Variants in DGKB observed in about 807,000 individuals in gnomAD.
The protein encoded by DGKB is diacylglycerol kinase beta.
In DGKB, 67 loss-of-function variants were observed where a neutral mutation model predicts 114.3. That is an observed-to-expected ratio of 0.59 (90% CI 0.48 to 0.72). The LOEUF (loss-of-function observed/expected upper bound fraction) is 0.72. Among genes scored for constraint, DGKB ranks in the 30% least tolerant of loss-of-function variants. The pLI is 0.00. For synonymous variants in DGKB, 398 were observed against 323.1 expected, an observed-to-expected ratio of 1.23 and a Z score of -2.49; for missense variants, 907 against 975.2, an observed-to-expected ratio of 0.93 and a Z score of 0.93.
intron 2 of DGKB, among the ~76,000 whole-genome samples, chr7:14,779,290 C>A (rs535194432): frequency 3.2e-4 from 48 of 152,234 alleles, no homozygotes; most frequent in Non-Finnish European, 5.4e-4. Flanking sequence ...AATCCCAGAA[C>A]TTTGGGAGGC....
chr7:14,527,741 T>C (rs939713923), intron 20 of DGKB, among the ~76,000 whole-genome samples: 15 of 152,092 alleles, frequency 9.9e-5, no homozygotes, highest in African/African-American at 3.6e-4. Context: ...GTTTATAAAA[T>C]ACAACATTGT....
At chr7:14,893,515 T>C (rs551216672) in intron 1 of DGKB, among the ~76,000 whole-genome samples, 2 of 151,358 alleles carry the variant, frequency 1.3e-5, no homozygotes, top group Non-Finnish European at 3.0e-5. Flanking sequence ...CACTCTACGT[T>C]CTCTTCCCAG....
At chr7:14,825,281 A>G (rs1423918711) in intron 2 of DGKB, among the ~76,000 whole-genome samples, 1 of 151,628 alleles carries the variant, frequency 6.6e-6, no homozygotes, top group African/African-American at 2.4e-5. Flanking sequence ...GAGTGGGGAA[A>G]TGGTTTCGGA....
intron 21 of DGKB, among the ~76,000 whole-genome samples, chr7:14,431,369 C>G (rs1828426828): frequency 6.6e-6 from 1 of 152,068 alleles, no homozygotes; most frequent in African/African-American, 2.4e-5. Flanking sequence ...TCATTTACAA[C>G]AGACATTTTT....
intron 2 of DGKB, among the ~76,000 whole-genome samples, chr7:14,808,168 T>A (rs1225499137): frequency 6.6e-6 from 1 of 152,174 alleles, no homozygotes; most frequent in East Asian, 1.9e-4. Context: ...CTAACAAGTC[T>A]TTTGTAAGTG....
At chr7:14,863,447 C>T (rs571609758) in intron 1 of DGKB, among the ~76,000 whole-genome samples, 14 of 151,464 alleles carry the variant, frequency 9.2e-5, no homozygotes, top group African/African-American at 2.9e-4. Context: ...TTTCCCAATA[C>T]ACTATTTGGA....
chr7:14,155,850 C>T (rs1195982047), intron 25 of DGKB, among the ~76,000 whole-genome samples: 3 of 151,932 alleles, frequency 2.0e-5, no homozygotes, highest in Non-Finnish European at 4.4e-5. Context: ...TTGAGGGTGA[C>T]GTTCTGAAGG....
At chr7:14,832,343 T>C (rs1846536247) in intron 2 of DGKB, among the ~76,000 whole-genome samples, 1 of 152,026 alleles carries the variant, frequency 6.6e-6, no homozygotes, top group African/African-American at 2.4e-5. Flanking sequence ...AATCTTCCAC[T>C]TGTCCCCTGT....
intron 2 of DGKB, among the ~76,000 whole-genome samples, chr7:14,783,110 A>G (rs904182452): frequency 4.6e-5 from 7 of 152,312 alleles, no homozygotes; most frequent in African/African-American, 1.2e-4. Context: ...AGTTTTTTGA[A>G]GGCTCGATCA....
intron 13 of DGKB, among the ~76,000 whole-genome samples, chr7:14,670,513 A>G (rs1818794257): frequency 6.6e-6 from 1 of 151,434 alleles, no homozygotes; most frequent in Non-Finnish European, 1.5e-5. Context: ...CATGTTGGCC[A>G]GGGGGGGTCT....
chr7:14,149,336 T>C, intron 25 of DGKB, 98 bp from the exon 26 acceptor site: 3 of 814,248 alleles, frequency 3.7e-6, no homozygotes, highest in Admixed American at 2.9e-5. Flanking sequence ...TTAATAATAT[T>C]TCATGAGTGA....
chr7:14,735,974 G>T, intron 5 of DGKB, 67 bp downstream of exon 5: 2 of 938,968 alleles, frequency 2.1e-6, no homozygotes, highest in South Asian at 2.8e-5. Flanking sequence ...CATCTTTTAT[G>T]ATAACTAGAT....
intron 5 of DGKB, among the ~76,000 whole-genome samples, chr7:14,733,505 G>A (rs546733744): frequency 6.6e-6 from 1 of 152,122 alleles, no homozygotes; most frequent in East Asian, 1.9e-4. Flanking sequence ...TGGTCAACAT[G>A]GTAAAACCCT....
chr7:14,673,556 T>C (rs1219766221), intron 12 of DGKB, among the ~76,000 whole-genome samples: 1 of 152,036 alleles, frequency 6.6e-6, no homozygotes, highest in Non-Finnish European at 1.5e-5. Context: ...AGGATATAAA[T>C]AAAAGAAGAT....
At chr7:14,168,519 A>C (rs1784930411) in intron 25 of DGKB, among the ~76,000 whole-genome samples, 1 of 152,370 alleles carries the variant, frequency 6.6e-6, no homozygotes, top group Admixed American at 6.5e-5. Flanking sequence ...TCAAAGTCCA[A>C]CTGCTGAAAA....
chr7:14,505,851 C>T (rs758248404), intron 20 of DGKB, among the ~76,000 whole-genome samples: 23 of 152,302 alleles, frequency 1.5e-4, no homozygotes, highest in Non-Finnish European at 2.2e-4. Flanking sequence ...AGGACACTTG[C>T]TTACTTTCCA....
At chr7:14,617,171 G>C (rs1806699528) in intron 15 of DGKB, among the ~76,000 whole-genome samples, 1 of 151,518 alleles carries the variant, frequency 6.6e-6, no homozygotes, top group African/African-American at 2.4e-5. Flanking sequence ...ATTCATGTCT[G>C]CCTTTTCTTC....
chr7:14,792,649 T>G (rs946622850), intron 2 of DGKB, among the ~76,000 whole-genome samples: 15 of 152,164 alleles, frequency 9.9e-5, no homozygotes, highest in Admixed American at 3.9e-4. Context: ...AAATATCTGT[T>G]GAGCAAAGTT....
At chr7:14,940,567 A>T (rs1289157139) in intron 1 of DGKB, among the ~76,000 whole-genome samples, 1 of 152,154 alleles carries the variant, frequency 6.6e-6, no homozygotes, top group East Asian at 1.9e-4. Context: ...CACAAAAACA[A>T]CTGGTGATCC....
Sources: gnomAD v4.1 joint callset for allele counts (sites outside exome capture counted in the v4.1 genomes callset) on GRCh38, gnomAD v4.1.1 for gene constraint, MANE v1.5 for transcripts, NCBI Gene and HGNC (gene_info 2026-07-23, HGNC 2026-07-21) for gene names.